SLX4IP: variants seen among roughly 807,000 people sequenced by gnomAD.
SLX4IP encodes SLX4 interacting protein.
Under a neutral mutation model 32.9 loss-of-function variants are expected in SLX4IP, and 34 were observed. That is an observed-to-expected ratio of 1.03 (90% CI 0.79 to 1.38). The LOEUF (loss-of-function observed/expected upper bound fraction) is 1.38. Ranked by LOEUF, SLX4IP falls within the 40% of genes most tolerant of loss-of-function variation. SLX4IP has a pLI of 0.00. For synonymous variants in SLX4IP, 172 were observed against 171.7 expected (o/e 1.00, Z -0.01); for missense variants, 444 against 479.0 (o/e 0.93, Z 0.68).
chr20:10,556,965 A>C (rs1398878286), intron 3 of SLX4IP, among the ~76,000 whole-genome samples: 7 of 152,146 alleles, frequency 4.6e-5, no homozygotes, highest in Non-Finnish European at 8.8e-5. Context: ...ATCCCACCCA[A>C]GTGCTGCTTG....
At chr20:10,601,655 A>G in intron 5 of SLX4IP, 76 bp from the exon 6 acceptor site, 1 of 1,261,726 alleles carries the variant, frequency 7.9e-7, no homozygotes. Flanking sequence ...CTTAAAATGA[A>G]CAAAAATCTG....
At chr20:10,557,483 A>G (rs376614176) in intron 3 of SLX4IP, among the ~76,000 whole-genome samples, 3 of 152,218 alleles carry the variant, frequency 2.0e-5, no homozygotes, top group African/African-American at 7.2e-5. Flanking sequence ...AAGTCAATCA[A>G]CATCTCCTAC....
chr20:10,456,674 T>C (rs948896567), intron 1 of SLX4IP, among the ~76,000 whole-genome samples: 5 of 152,338 alleles, frequency 3.3e-5, no homozygotes, highest in African/African-American at 1.2e-4. Context: ...GGCTGAGTTC[T>C]CCAATTTGAT....
intron 2 of SLX4IP, among the ~76,000 whole-genome samples, chr20:10,472,299 C>T (rs887997923): frequency 2.0e-5 from 3 of 150,572 alleles, no homozygotes; most frequent in African/African-American, 4.9e-5. Flanking sequence ...GGCACGATCT[C>T]GGCTTACTGC....
chr20:10,470,390 A>T (rs2065414779), intron 2 of SLX4IP, among the ~76,000 whole-genome samples: 1 of 152,162 alleles, frequency 6.6e-6, no homozygotes, highest in South Asian at 2.1e-4. Flanking sequence ...CAAATAATGT[A>T]ACGATGCATA....
intron 2 of SLX4IP, among the ~76,000 whole-genome samples, chr20:10,536,099 C>A (rs2066041284): frequency 6.6e-6 from 1 of 152,192 alleles, no homozygotes; most frequent in African/African-American, 2.4e-5. Flanking sequence ...CTTACGGTAT[C>A]TATAATTTGC....
intron 1 of SLX4IP, among the ~76,000 whole-genome samples, chr20:10,440,283 T>A (rs1262528279): frequency 2.0e-5 from 3 of 151,928 alleles, no homozygotes; most frequent in African/African-American, 7.3e-5. Context: ...GGTGAAACCC[T>A]GTCTCTACTA....
At chr20:10,521,792 A>C (rs1371046981) in intron 2 of SLX4IP, among the ~76,000 whole-genome samples, 1 of 152,200 alleles carries the variant, frequency 6.6e-6, no homozygotes, top group Admixed American at 6.5e-5. Flanking sequence ...ATACAATTCT[A>C]AAGTGCTTGG....
intron 2 of SLX4IP, among the ~76,000 whole-genome samples, chr20:10,483,839 A>G (rs1301836233): frequency 7.4e-6 from 1 of 134,418 alleles, no homozygotes; most frequent in Non-Finnish European, 1.5e-5. Context: ...GGAGTTTCTG[A>G]CCTTCCTCTG....
intron 2 of SLX4IP, among the ~76,000 whole-genome samples, chr20:10,471,436 A>G (rs2065424139): frequency 6.6e-6 from 1 of 152,236 alleles, no homozygotes; most frequent in African/African-American, 2.4e-5. Flanking sequence ...CACCCAGCAT[A>G]GCTGGGTTAT....
intron 1 of SLX4IP, among the ~76,000 whole-genome samples, chr20:10,456,172 G>T (rs2065283982): frequency 6.6e-6 from 1 of 152,000 alleles, no homozygotes; most frequent in South Asian, 2.1e-4. Context: ...TTTAGATTTG[G>T]ATCTCATCCC....
chr20:10,590,089 G>A (rs1157930608), intron 4 of SLX4IP, among the ~76,000 whole-genome samples: 1 of 151,904 alleles, frequency 6.6e-6, no homozygotes, highest in Non-Finnish European at 1.5e-5. Context: ...TACACAATAG[G>A]CACTCGGTAC....
Position 10,623,940 on chromosome 20 carries a change from AT to A in SLX4IP, c.*563del, listed in dbSNP as rs2067145286. ...CATGCTGAGTAACTGCCTTTGGGTG[AT>A]TCTGAAACATGCTCGCGTTTGAGAA... On this transcript the variant is annotated 3_prime_UTR_variant, in exon 8 of 8. Coordinates refer to ENST00000334534, the MANE Select transcript of SLX4IP (RefSeq NM_001009608.3). 1 of 153,314 alleles carries A rather than the reference AT, an allele frequency of 6.5e-6. No individual in the cohort carries two copies. The allele number at this position is 153,314 out of a possible 1,614,324, so 9.5% of individuals were successfully genotyped here. A position where few individuals can be genotyped will look rare whatever the true frequency, so the allele number is the denominator to read the frequency against.
chr20:10,494,415 A>G (rs572108026), intron 2 of SLX4IP, among the ~76,000 whole-genome samples: 80 of 150,606 alleles, frequency 5.3e-4, no homozygotes, highest in Non-Finnish European at 1.0e-3. Flanking sequence ...TTTAATGCTT[A>G]TTGGTTTGTA....
At chr20:10,621,944 G>A (rs1359792500) in intron 7 of SLX4IP, among the ~76,000 whole-genome samples, 1 of 152,112 alleles carries the variant, frequency 6.6e-6, no homozygotes, top group Non-Finnish European at 1.5e-5. Flanking sequence ...TTCTCCCTGT[G>A]CAGCTTCTAT....
chr20:10,534,509 T>C lies in SLX4IP; in HGVS notation c.28-21722T>C, dbSNP rs1461683454. ...GGTGAGTTGCCCTGGTCTGGAGCCT[T>C]AGAAGGTTTCCGTAAAGAAGGAGCC... On this transcript the variant is annotated intron_variant, in intron 2 of 7. Transcript: ENST00000334534. Among the ~76,000 whole-genome samples, 6 of 152,146 alleles carry C rather than the reference T, an allele frequency of 3.9e-5. No individual in the cohort carries two copies. In the East Asian group the frequency reaches 1.2e-3, roughly 29 times the overall value.
At chr20:10,439,919 T>G (rs1319508610) in intron 1 of SLX4IP, among the ~76,000 whole-genome samples, 2 of 152,208 alleles carry the variant, frequency 1.3e-5, no homozygotes, top group Non-Finnish European at 2.9e-5. Flanking sequence ...GATGTAAGTA[T>G]ATTTCTAAAG....
At chr20:10,467,179 C>T (rs983883092) in intron 2 of SLX4IP, among the ~76,000 whole-genome samples, 1 of 152,128 alleles carries the variant, frequency 6.6e-6, no homozygotes, top group Non-Finnish European at 1.5e-5. Context: ...TAAATGGGAA[C>T]GTGGTACTGA....
At chr20:10,512,225 G>A (rs1386887060) in intron 2 of SLX4IP, among the ~76,000 whole-genome samples, 1 of 152,144 alleles carries the variant, frequency 6.6e-6, no homozygotes, top group African/African-American at 2.4e-5. Context: ...CAACAGCTGG[G>A]TTTTGACCTT....
Sources: gnomAD v4.1 joint callset for allele counts (sites outside exome capture counted in the v4.1 genomes callset) on GRCh38, gnomAD v4.1.1 for gene constraint, MANE v1.5 for transcripts, NCBI Gene and HGNC (gene_info 2026-07-23, HGNC 2026-07-21) for gene names.